CNOT4: variants seen among roughly 807,000 people sequenced by gnomAD.
The protein encoded by CNOT4 is CCR4-NOT transcription complex subunit 4.
Under a neutral mutation model 73.8 loss-of-function variants are expected in CNOT4, and 8 were observed. The observed-to-expected ratio is 0.11, with a 90% CI of 0.06 to 0.20. CNOT4 has a LOEUF of 0.20. Among genes scored for constraint, CNOT4 ranks in the 10% least tolerant of loss-of-function variants. The probability of loss-of-function intolerance (pLI) is 1.00; values close to 1 mark genes in which losing one functional copy is unlikely to be tolerated. For missense variants in CNOT4, 564 were observed against 883.4 expected (o/e 0.64, Z 4.58); for synonymous variants, 293 against 321.1 (o/e 0.91, Z 0.94).
Position 135,364,886 on chromosome 7 carries a change from T to C in CNOT4, c.1628-820A>G, listed in dbSNP as rs545134533. On this transcript the variant is annotated intron_variant, in intron 10 of 11. Coordinates refer to ENST00000541284, the MANE Select transcript of CNOT4 (RefSeq NM_001190850.2). The surrounding 1 kb of genome is among the most constrained non-coding windows in gnomAD (Gnocchi z 4.3). ...GATCTACTACCATCCAGAATCCACA[T>C]AGTATAACTAACTGGTCAGGGGGAA... Among the ~76,000 whole-genome samples, 6 of 152,360 alleles carry C rather than the reference T, an allele frequency of 3.9e-5. No homozygotes were observed. Among genetic ancestry groups the C allele is most frequent in the Non-Finnish European group, 7.3e-5 (5 of 68,028 alleles).
chr7:135,388,260 T>C (rs1331493123), intron 10 of CNOT4: 16 of 985,166 alleles, frequency 1.6e-5, no homozygotes, highest in Non-Finnish European at 1.9e-5. Flanking sequence ...TATTATAGGA[T>C]ATAAATCTAG....
At chr7:135,460,432 A>G (rs1800807176) in intron 1 of CNOT4, among the ~76,000 whole-genome samples, 1 of 152,154 alleles carries the variant, frequency 6.6e-6, no homozygotes, top group Non-Finnish European at 1.5e-5. Flanking sequence ...TTAGAAAATG[A>G]CCTAATTTCA....
At chr7:135,452,283 GA>G (rs1166875809) in intron 1 of CNOT4, among the ~76,000 whole-genome samples, 3 of 152,012 alleles carry the variant, frequency 2.0e-5, no homozygotes, top group Non-Finnish European at 2.9e-5. Context: ...GGACATGTAA[GA>G]AAATAGGGAC....
chr7:135,494,217 C>A (rs1803303439), intron 1 of CNOT4, among the ~76,000 whole-genome samples: 1 of 152,180 alleles, frequency 6.6e-6, no homozygotes, highest in East Asian at 1.9e-4. Flanking sequence ...CACCTGTAAT[C>A]CCAGCACTTT....
chr7:135,449,447 C>A (rs1800032477), intron 1 of CNOT4, among the ~76,000 whole-genome samples: 1 of 152,082 alleles, frequency 6.6e-6, no homozygotes, highest in Non-Finnish European at 1.5e-5. Context: ...TAAAAGTAAT[C>A]CCTAGACCCA....
At chr7:135,490,517 C>T (rs1051299203) in intron 1 of CNOT4, among the ~76,000 whole-genome samples, 1 of 152,136 alleles carries the variant, frequency 6.6e-6, no homozygotes, top group African/African-American at 2.4e-5. Context: ...TAGCAACCAA[C>T]TCAGGCCCTC....
chr7:135,495,760 AAG>A (rs1185899290), intron 1 of CNOT4, among the ~76,000 whole-genome samples: 1 of 140,056 alleles, frequency 7.1e-6, no homozygotes, highest in African/African-American at 2.6e-5. Flanking sequence ...GAAAGAAAGA[AAG>A]AAATTTAAGA....
At chr7:135,404,242 A>T (rs1797160086) in intron 7 of CNOT4, among the ~76,000 whole-genome samples, 2 of 152,206 alleles carry the variant, frequency 1.3e-5, no homozygotes, top group African/African-American at 4.8e-5. Flanking sequence ...TAATCTGCTG[A>T]TTTTAATGTA....
chr7:135,473,188 T>C (rs1438186066), intron 1 of CNOT4, among the ~76,000 whole-genome samples: 2 of 152,202 alleles, frequency 1.3e-5, no homozygotes, highest in South Asian at 2.1e-4. Flanking sequence ...GGAAAGTATA[T>C]AAAAATATTA....
intron 1 of CNOT4, chr7:135,444,446 G>C (rs751804606): frequency 2.3e-5 from 18 of 771,416 alleles, no homozygotes; most frequent in Non-Finnish European, 4.3e-5. Flanking sequence ...TCATCCTCAG[G>C]AACGAGATGG....
At chr7:135,394,628 CTGAA>C (rs1796581627) in intron 9 of CNOT4, among the ~76,000 whole-genome samples, 1 of 152,092 alleles carries the variant, frequency 6.6e-6, no homozygotes, top group Non-Finnish European at 1.5e-5. Flanking sequence ...GCTTCAAAAA[CTGAA>C]TGATATAGAC....
At position 135,362,952 on chromosome 7, in the gene CNOT4, G is replaced by A. The variant is rs774656629; in HGVS notation, c.2075C>T (p.Thr692Ile). The A allele has an allele frequency of 8.1e-6, 13 of 1,612,896 alleles. No homozygotes were observed. The highest frequency in any genetic ancestry group is 3.3e-5 in the Admixed American group (2 of 59,934). Residue 692 changes from threonine (T) to isoleucine (I), a missense_variant, in exon 12 of 12, where the codon ACA (threonine) becomes ATA (isoleucine). Around this residue, in one of 10 missense-constraint regions of CNOT4, gnomAD observed 88 missense variants for 94.7 expected, o/e 0.93. Coordinates refer to ENST00000541284, the MANE Select transcript of CNOT4 (RefSeq NM_001190850.2). ...SFHSPPPGFQTAFRPPSKTPT... is the reference protein window; with the variant it reads ...SFHSPPPGFQIAFRPPSKTPT... ...GGTTTTGCTGGGGGGTCTGAAGGCT[G>A]TCTGAAAGCCTGGGGGTGGGGAGTG...
At chr7:135,371,260 C>A (rs1297028334) in intron 10 of CNOT4, among the ~76,000 whole-genome samples, 2 of 152,194 alleles carry the variant, frequency 1.3e-5, no homozygotes, top group African/African-American at 2.4e-5. Flanking sequence ...TTCTTGCCAT[C>A]AAGCATACTA....
rs1287476029 is a variant in CNOT4, at chr7:135,429,229, T to C, written c.175-6876A>G. Among the ~76,000 whole-genome samples the C allele has an allele frequency of 3.9e-5, 6 of 152,338 alleles. No homozygotes were observed. In the East Asian group the frequency reaches 1.2e-3, roughly 29 times the overall value. ...ATGTGTTTGATCTTGAATTTCATTA[T>C]GACTAATATCAGTACTATTATATCT... is the stretch of plus-strand genomic sequence containing the variant. On this transcript the variant is annotated intron_variant, in intron 2 of 11. Transcript: ENST00000541284.
rs773339295 is a variant in CNOT4 at position 135,415,182 on chromosome 7, G to A, written c.453C>T (p.Gly151=). The change falls in exon 4 of 12, where the codon GGC becomes GGT. Residue 151 remains glycine (G), a synonymous_variant. Transcript: ENST00000541284. ...AATCCCTAAAATTAGTTACCTGTGA[G>A]CCTGCATATGATGTGCTATTATTGA... is the stretch of plus-strand genomic sequence containing the variant. ...VVINNSTSYA[G]SQGPSASAYV... 2 of 1,587,976 alleles carry A rather than the reference G, an allele frequency of 1.3e-6. No individual in the cohort carries two copies. The highest frequency in any genetic ancestry group is 1.7e-6 in the Non-Finnish European group (2 of 1,156,926).
At chr7:135,452,803 T>C (rs193022430) in intron 1 of CNOT4, among the ~76,000 whole-genome samples, 6 of 152,324 alleles carry the variant, frequency 3.9e-5, no homozygotes, top group Non-Finnish European at 7.4e-5. Context: ...AGCATCAGTA[T>C]GTTTCCTATC....
At position 135,362,451 on chromosome 7, in the gene CNOT4, A is replaced by G. The variant is rs1794689635; in HGVS notation, c.*434T>C. On this transcript the variant is annotated 3_prime_UTR_variant, in exon 12 of 12. Coordinates refer to ENST00000541284, the MANE Select transcript of CNOT4 (RefSeq NM_001190850.2). ...CTAGGACCACTGCTTTCCCCCATGC[A>G]TTTAGCAATCTCACGTAAATGAACC... 1 of 298,698 alleles carries G rather than the reference A, an allele frequency of 3.3e-6. No homozygotes were observed. The highest frequency in any genetic ancestry group is 6.5e-6 in the Non-Finnish European group (1 of 153,780). 18.5% of individuals were successfully genotyped at this position (298,698 alleles called of 1,614,324 possible). A position where few individuals can be genotyped will look rare whatever the true frequency, so the allele number is the denominator to read the frequency against.
intron 1 of CNOT4, among the ~76,000 whole-genome samples, chr7:135,489,768 G>A (rs1304531920): frequency 6.6e-6 from 1 of 152,100 alleles, no homozygotes; most frequent in African/African-American, 2.4e-5. Flanking sequence ...AAAGGTCTAA[G>A]AAACAGCTTG....
At chr7:135,465,889 A>G (rs1265659229) in intron 1 of CNOT4, among the ~76,000 whole-genome samples, 2 of 151,856 alleles carry the variant, frequency 1.3e-5, no homozygotes, top group Non-Finnish European at 2.9e-5. Context: ...CTCTACTAAA[A>G]CTACAAAAAT....
Sources: gnomAD v4.1 joint callset for allele counts (sites outside exome capture counted in the v4.1 genomes callset) on GRCh38, gnomAD v4.1.1 for gene constraint, gnomAD v4.1.1 regional missense constraint, Gnocchi (gnomAD v3.1) non-coding constraint, MANE v1.5 for transcripts, NCBI Gene and HGNC (gene_info 2026-07-23, HGNC 2026-07-21) for gene names.